The following ITPR2 variants were observed in gnomAD, a reference collection of about 807,000 sequenced individuals.
ITPR2 encodes inositol 1,4,5-trisphosphate receptor type 2, also known as inositol 1,4,5-trisphosphate-gated calcium channel ITPR2.
A neutral mutation model predicts 317.1 loss-of-function variants in ITPR2; 207 were observed. The observed-to-expected ratio is 0.65, with a 90% confidence interval of 0.58 to 0.73. The LOEUF is 0.73. Among genes scored for constraint, ITPR2 ranks in the 30% least tolerant of loss-of-function variants. ITPR2 has a pLI of 0.00. For missense variants in ITPR2, 2,613 were observed against 3,284.0 expected, an observed-to-expected ratio of 0.80 and a Z score of 4.99; for synonymous variants, 1,156 against 1,149.1, an observed-to-expected ratio of 1.01 and a Z score of -0.12.
intron 9 of ITPR2, among the ~76,000 whole-genome samples, chr12:26,706,101 G>C (rs771489503): frequency 7.8e-4 from 118 of 152,196 alleles, no homozygotes; most frequent in Non-Finnish European, 1.4e-3. Context: ...CTCCAGAGCA[G>C]TGCTGCCCAC....
At chr12:26,797,115 G>C (rs1022160072) in intron 1 of ITPR2, among the ~76,000 whole-genome samples, 20 of 151,922 alleles carry the variant, frequency 1.3e-4, no homozygotes, top group African/African-American at 4.8e-4. Context: ...AAATTGTACT[G>C]CATGCAACAA....
At chr12:26,704,559 T>C (rs191588894) in intron 9 of ITPR2, among the ~76,000 whole-genome samples, 31 of 152,276 alleles carry the variant, frequency 2.0e-4, no homozygotes, top group East Asian at 1.9e-4. Context: ...TGCCCCTATA[T>C]ACTTACCCTC....
intron 54 of ITPR2, 82 bp downstream of exon 54, chr12:26,398,794 A>G: frequency 2.5e-6 from 3 of 1,203,890 alleles, no homozygotes; most frequent in Non-Finnish European, 3.5e-6. Flanking sequence ...TTCCGAAAGC[A>G]TGAAAAATAA....
chr12:26,543,948 A>G (rs889303537), intron 37 of ITPR2, among the ~76,000 whole-genome samples: 4 of 152,142 alleles, frequency 2.6e-5, no homozygotes, highest in Admixed American at 1.3e-4. Context: ...AAGCTCTCAG[A>G]CTTGTTAGGG....
At position 26,715,443 on chromosome 12, in the gene ITPR2, C is replaced by T; in HGVS notation, c.711G>A (p.Gly237=). 1 of 1,611,308 alleles carries T rather than the reference C, an allele frequency of 6.2e-7. No individual in the cohort carries two copies. The highest frequency in any genetic ancestry group is 1.1e-5 in the South Asian group (1 of 90,748). Residue 237 remains glycine, a splice_region_variant and synonymous_variant, in exon 8 of 57, where the codon GGG becomes GGA. Transcript: ENST00000381340. ...SSYREDVLKG[G]DVVRLFHAEQ... ...CCGCATGAAATAATCTAACAACGTC[C>T]CCCTAGCAAAAAGGTCAAGAGACAT...
At chr12:26,499,805 T>G (rs903345606) in intron 37 of ITPR2, among the ~76,000 whole-genome samples, 2 of 152,342 alleles carry the variant, frequency 1.3e-5, no homozygotes, top group Admixed American at 1.3e-4. Flanking sequence ...GCTTTTTAAC[T>G]ATTAATCAGT....
chr12:26,648,337 T>G (rs1249902770), intron 21 of ITPR2, among the ~76,000 whole-genome samples: 1 of 152,180 alleles, frequency 6.6e-6, no homozygotes, highest in Non-Finnish European at 1.5e-5. Flanking sequence ...AACACATTTT[T>G]CTGCATGTCC....
intron 4 of ITPR2, among the ~76,000 whole-genome samples, chr12:26,723,515 ATTT>A (rs777452884): frequency 1.8e-4 from 27 of 152,170 alleles, no homozygotes; most frequent in South Asian, 4.1e-4. Flanking sequence ...GAGAAACTCT[ATTT>A]ATGAAGGATT....
intron 9 of ITPR2, among the ~76,000 whole-genome samples, chr12:26,700,105 A>T (rs1948418579): frequency 1.3e-5 from 2 of 152,210 alleles, no homozygotes; most frequent in African/African-American, 4.8e-5. Flanking sequence ...ACATAAATAC[A>T]GTCAGCTGAA....
chr12:26,640,255 C>G (rs2136859499), intron 21 of ITPR2, among the ~76,000 whole-genome samples: 1 of 152,178 alleles, frequency 6.6e-6, no homozygotes, highest in South Asian at 2.1e-4. Context: ...TGATCCTGCC[C>G]TATTAACTCA....
At chr12:26,750,172 T>C (rs959642831) in intron 2 of ITPR2, among the ~76,000 whole-genome samples, 8 of 152,254 alleles carry the variant, frequency 5.3e-5, no homozygotes, top group Non-Finnish European at 1.5e-5. Flanking sequence ...GAGCCTCAGA[T>C]TGCAGGTTCG....
intron 34 of ITPR2, among the ~76,000 whole-genome samples, chr12:26,572,273 T>C (rs1194561305): frequency 1.3e-5 from 2 of 152,300 alleles, no homozygotes; most frequent in East Asian, 1.9e-4. Flanking sequence ...CCTCCTGCAC[T>C]AGGCCCCAGC....
chr12:26,504,413 A>G (rs1943140509), intron 37 of ITPR2, among the ~76,000 whole-genome samples: 1 of 152,198 alleles, frequency 6.6e-6, no homozygotes, highest in Non-Finnish European at 1.5e-5. Context: ...GTGTTTATAA[A>G]TCATTAAGAA....
At chr12:26,807,800 A>G (rs370720398) in intron 1 of ITPR2, among the ~76,000 whole-genome samples, 97 of 152,158 alleles carry the variant, frequency 6.4e-4, no homozygotes, top group Middle Eastern at 3.2e-3. Context: ...AAATTAAACT[A>G]TTCACGAAAG....
intron 36 of ITPR2, among the ~76,000 whole-genome samples, chr12:26,553,849 C>G (rs1196747511): frequency 6.6e-6 from 1 of 152,138 alleles, no homozygotes; most frequent in African/African-American, 2.4e-5. Flanking sequence ...GATATTCTTA[C>G]AAAGGAAACC....
chr12:26,437,825 G>A (rs1038500947), intron 47 of ITPR2, among the ~76,000 whole-genome samples: 3 of 152,038 alleles, frequency 2.0e-5, no homozygotes, highest in African/African-American at 7.2e-5. Context: ...TTATTGAGAT[G>A]GTGTCTCACT....
Position 26,602,673 on chromosome 12 carries a change from T to C in ITPR2, c.3496A>G (p.Thr1166Ala), listed in dbSNP as rs760257022. The C allele has an allele frequency of 1.9e-6, 3 of 1,611,520 alleles. No homozygotes were observed. The highest frequency in any genetic ancestry group is 2.5e-6 in the Non-Finnish European group (3 of 1,178,198). Residue 1166 changes from threonine to alanine, a missense_variant, in exon 27 of 57, where the codon ACA (threonine) becomes GCA (alanine). Physicochemically the swap from Thr to Ala is moderately conservative, Grantham distance 58. Around this residue, in one of 9 missense-constraint regions of ITPR2, gnomAD observed 817 missense variants for 897.6 expected, o/e 0.91. Transcript: ENST00000381340. Reference sequence around the variant, plus strand: ...TTGCTGTCAATCTGAGGTTTCTTTGTTCCATCCTGCACTGGACTTAAAATG... The same window carrying C: ...TTGCTGTCAATCTGAGGTTTCTTTGCTCCATCCTGCACTGGACTTAAAATG... ...SNILSPVQDGTKKPQIDSNKS... is the reference protein window; with the variant it reads ...SNILSPVQDGAKKPQIDSNKS...
chr12:26,757,172 A>T (rs1478982483), intron 2 of ITPR2, among the ~76,000 whole-genome samples: 1 of 152,004 alleles, frequency 6.6e-6, no homozygotes, highest in African/African-American at 2.4e-5. Flanking sequence ...AACAGCCCAC[A>T]GGGCTGCTCT....
chr12:26,760,705 G>A (rs901952314), intron 2 of ITPR2, among the ~76,000 whole-genome samples: 2 of 152,194 alleles, frequency 1.3e-5, no homozygotes, highest in Non-Finnish European at 2.9e-5. Context: ...TCTGTGTTCT[G>A]TGGTAGATGA....
Sources: gnomAD v4.1 joint callset for allele counts (sites outside exome capture counted in the v4.1 genomes callset) on GRCh38, gnomAD v4.1.1 for gene constraint, gnomAD v4.1.1 regional missense constraint, MANE v1.5 for transcripts, NCBI Gene and HGNC (gene_info 2026-07-23, HGNC 2026-07-21) for gene names.